EIPR1: variants seen among roughly 807,000 people sequenced by gnomAD.
EIPR1 encodes the protein EARP complex and GARP complex interacting protein 1, also known as EARP and GARP complex-interacting protein 1.
EIPR1 carries 25 observed loss-of-function variants against 48.1 expected under a neutral mutation model. The observed-to-expected ratio is 0.52, with a 90% CI of 0.38 to 0.73. EIPR1 has a LOEUF of 0.73. Ranked by LOEUF, EIPR1 falls within the 30% of genes least tolerant of loss-of-function variation. EIPR1 has a pLI of 0.00. For missense variants in EIPR1, 415 were observed against 506.2 expected, an observed-to-expected ratio of 0.82 and a Z score of 1.73; for synonymous variants, 204 against 201.9, an observed-to-expected ratio of 1.01 and a Z score of -0.09.
At position 3,192,428 on chromosome 2, in the gene EIPR1, G is replaced by A; in HGVS notation, c.975C>T (p.His325=). Reference sequence around the variant, plus strand: ...CGTGCCCTTACTTCTCTTCAGAACGGTGGTCCTCCTGGTCACTGATGTCAT... The same window carrying A: ...CGTGCCCTTACTTCTCTTCAGAACGATGGTCCTCCTGGTCACTGATGTCAT... ...DDDDISDQED[H]RSEEKSKEPL... The change falls in exon 8 of 9, where the codon CAC becomes CAT. Residue 325 remains histidine (H), a synonymous_variant. Coordinates refer to ENST00000382125, the MANE Select transcript of EIPR1 (RefSeq NM_003310.5). 6.2e-7 allele frequency: 1 copy of A among 1,611,262 alleles called. No homozygotes were observed. Among genetic ancestry groups the A allele is most frequent in the Non-Finnish European group, 8.5e-7 (1 of 1,178,876 alleles).
chr2:3,374,038 T>C (rs1384866097), intron 1 of EIPR1, among the ~76,000 whole-genome samples: 19 of 134,496 alleles, frequency 1.4e-4, no homozygotes, highest in South Asian at 4.9e-4. Flanking sequence ...GAGATACAGA[T>C]CAATGGAACA....
At chr2:3,202,598 T>A (rs1002400991) in intron 5 of EIPR1, among the ~76,000 whole-genome samples, 1 of 152,210 alleles carries the variant, frequency 6.6e-6, no homozygotes, top group Non-Finnish European at 1.5e-5. Flanking sequence ...AAGTTCTTGA[T>A]GACTCGTGTG....
chr2:3,199,928 G>GAGTAT (rs1664967297), intron 5 of EIPR1, among the ~76,000 whole-genome samples: 1 of 101,732 alleles, frequency 9.8e-6, no homozygotes. Context: ...CACATGGGGG[G>GAGTAT]GTGTCCACAT....
Position 3,192,475 on chromosome 2 carries a change from A to G in EIPR1, c.928T>C (p.Phe310Leu). The G allele has an allele frequency of 6.2e-7, 1 of 1,613,006 alleles. No homozygotes were observed. Among genetic ancestry groups the G allele is most frequent in the Non-Finnish European group, 8.5e-7 (1 of 1,179,730 alleles). Residue 310 changes from phenylalanine (F) to leucine (L), a missense_variant, in exon 8 of 9, where the codon TTC (phenylalanine) becomes CTC (leucine). Physicochemically the swap from Phe to Leu is conservative, Grantham distance 22. Transcript: ENST00000382125. ...TCATCGTCGTCTACCAAGTGGCCGA[A>G]GGGCTCCGACGAGATGGACACCATG... is the stretch of plus-strand genomic sequence containing the variant. ...SNMVSISSEP[F>L]GHLVDDDDIS...
intron 4 of EIPR1, among the ~76,000 whole-genome samples, chr2:3,229,945 ACT>A (rs989230311): frequency 6.6e-6 from 1 of 152,032 alleles, no homozygotes. Context: ...TTTTCTTATC[ACT>A]GTTACTCACA....
At chr2:3,324,279 G>T (rs1669624264) in intron 3 of EIPR1, among the ~76,000 whole-genome samples, 1 of 152,074 alleles carries the variant, frequency 6.6e-6, no homozygotes, top group African/African-American at 2.4e-5. Flanking sequence ...ACTGCCCCTG[G>T]GGACATGATT....
chr2:3,270,818 G>A (rs946224537), intron 3 of EIPR1, among the ~76,000 whole-genome samples: 3 of 152,174 alleles, frequency 2.0e-5, no homozygotes, highest in Non-Finnish European at 4.4e-5. Flanking sequence ...AGTGGCAATG[G>A]CAGTTTCTTA....
chr2:3,303,098 T>C (rs1668809583), intron 3 of EIPR1, among the ~76,000 whole-genome samples: 3 of 152,216 alleles, frequency 2.0e-5, no homozygotes, highest in African/African-American at 4.8e-5. Context: ...TGCCCTTGTG[T>C]CCACCTATGT....
intron 3 of EIPR1, 32 bp downstream of exon 3, chr2:3,337,985 G>A (rs1572460843): frequency 6.4e-7 from 1 of 1,570,242 alleles, no homozygotes; most frequent in Non-Finnish European, 8.6e-7. Context: ...GTTACCTCCA[G>A]TTAGCAAGTA....
chr2:3,226,732 T>C (rs1174037665), intron 4 of EIPR1, among the ~76,000 whole-genome samples: 2 of 152,214 alleles, frequency 1.3e-5, no homozygotes, highest in Non-Finnish European at 2.9e-5. Flanking sequence ...CCAAATCTCA[T>C]GTCAAATTGT....
chr2:3,376,826 C>T (rs1308756177), intron 1 of EIPR1, among the ~76,000 whole-genome samples: 1 of 152,098 alleles, frequency 6.6e-6, no homozygotes, highest in East Asian at 1.9e-4. Flanking sequence ...TTAGGCATAA[C>T]ACATTCTCAA....
chr2:3,255,156 G>A (rs1448630808), intron 4 of EIPR1, among the ~76,000 whole-genome samples: 1 of 151,756 alleles, frequency 6.6e-6, no homozygotes, highest in Non-Finnish European at 1.5e-5. Flanking sequence ...AGTTGAATTT[G>A]CCTGTTTAAT....
At position 3,276,851 on chromosome 2, in the gene EIPR1, T is replaced by C. The variant is rs116351042; in HGVS notation, c.260-19396A>G. Among the ~76,000 whole-genome samples, 830 of 152,310 alleles carry C rather than the reference T, an allele frequency of 5.4e-3. 9 individuals are homozygous for C. The highest frequency in any genetic ancestry group is 0.019 in the African/African-American group (790 of 41,554). On this transcript the variant is annotated intron_variant, in intron 3 of 8. Coordinates refer to ENST00000382125, the MANE Select transcript of EIPR1 (RefSeq NM_003310.5). ...TAAGCATGAGTAATATTAAAAATAA[T>C]AGCATCCATATGATTAGGTTAAAAT...
intron 3 of EIPR1, among the ~76,000 whole-genome samples, chr2:3,318,168 A>G (rs932299934): frequency 1.3e-5 from 2 of 152,246 alleles, no homozygotes; most frequent in African/African-American, 4.8e-5. Context: ...GGCGCAGACC[A>G]GCAGGCCGCA....
intron 3 of EIPR1, among the ~76,000 whole-genome samples, chr2:3,332,774 T>C (rs1209555136): frequency 6.6e-6 from 1 of 152,240 alleles, no homozygotes; most frequent in Non-Finnish European, 1.5e-5. Context: ...GAGTTTATTG[T>C]GCTACAACTC....
At chr2:3,190,872 TGGGCAGATCACTTGA>T (rs1168992211) in intron 8 of EIPR1, among the ~76,000 whole-genome samples, 1 of 152,182 alleles carries the variant, frequency 6.6e-6, no homozygotes, top group East Asian at 1.9e-4. Flanking sequence ...GAGGCTGAAG[TGGGCAGATCACTTGA>T]GCTCAGGAGT....
At chr2:3,255,387 T>C (rs559830714) in intron 4 of EIPR1, among the ~76,000 whole-genome samples, 2 of 152,314 alleles carry the variant, frequency 1.3e-5, no homozygotes, top group East Asian at 3.9e-4. Flanking sequence ...TTCACCATGT[T>C]GGCCAGGCTG....
intron 3 of EIPR1, among the ~76,000 whole-genome samples, chr2:3,301,864 G>A (rs10206606): frequency 0.52 from 78,451 of 152,062 alleles, 22,495 homozygotes; most frequent in East Asian, 0.8. Flanking sequence ...TCAGGAACAC[G>A]TGGGAATAAA....
At chr2:3,193,056 C>T (rs1029961098) in intron 7 of EIPR1, among the ~76,000 whole-genome samples, 1 of 152,134 alleles carries the variant, frequency 6.6e-6, no homozygotes, top group East Asian at 1.9e-4. Context: ...TTCTTGCTGG[C>T]GTGGGTCCTA....
Sources: allele counts gnomAD v4.1 joint callset (sites outside exome capture counted in the v4.1 genomes callset), GRCh38; gene constraint gnomAD v4.1.1; transcripts MANE v1.5; gene names NCBI Gene and HGNC (gene_info 2026-07-23, HGNC 2026-07-21).